PTK2: variants seen among roughly 807,000 people sequenced by gnomAD.
The protein encoded by PTK2 is protein tyrosine kinase 2.
PTK2 carries 45 observed loss-of-function variants against 150.1 expected under a neutral mutation model. That is an observed-to-expected ratio of 0.30 (90% CI 0.24 to 0.38). The LOEUF (loss-of-function observed/expected upper bound fraction) is 0.38. PTK2 is among the 10% of genes least tolerant of loss of function. The pLI, the probability that PTK2 is intolerant of heterozygous loss-of-function variation, is 1.00. For missense variants in PTK2, 919 were observed against 1,307.3 expected (o/e 0.70, Z 4.58); for synonymous variants, 432 against 449.2 (o/e 0.96, Z 0.48).
At chr8:140,692,778 G>A (rs1376773386) in intron 26 of PTK2, among the ~76,000 whole-genome samples, 1 of 152,122 alleles carries the variant, frequency 6.6e-6, no homozygotes, top group Non-Finnish European at 1.5e-5. Context: ...TCTGGAATCT[G>A]GTATGAGGGA....
chr8:140,889,619 T>A (rs1312104638), intron 3 of PTK2, among the ~76,000 whole-genome samples: 2 of 151,004 alleles, frequency 1.3e-5, no homozygotes, highest in African/African-American at 4.9e-5. Flanking sequence ...ATTAATTAAT[T>A]TACTTATTGT....
chr8:140,979,044 T>G (rs9657438), intron 1 of PTK2, among the ~76,000 whole-genome samples: 62,934 of 148,344 alleles, frequency 0.42, 15,094 homozygotes, highest in Non-Finnish European at 0.55. Flanking sequence ...CTCACTCATA[T>G]GTGGGAATTG....
chr8:140,753,189 G>A (rs2100063789), intron 16 of PTK2, among the ~76,000 whole-genome samples: 4 of 151,898 alleles, frequency 2.6e-5, no homozygotes, highest in Admixed American at 2.6e-4. Context: ...GACAGGTGAT[G>A]GTGGCTTGGA....
At chr8:140,975,605 G>T (rs2100188979) in intron 1 of PTK2, among the ~76,000 whole-genome samples, 1 of 152,128 alleles carries the variant, frequency 6.6e-6, no homozygotes, top group Non-Finnish European at 1.5e-5. Context: ...TTGAGGAGAG[G>T]GGGGAGGGGG....
At chr8:140,995,083 C>CAAAA (rs35987927) in intron 1 of PTK2, among the ~76,000 whole-genome samples, 1 of 122,316 alleles carries the variant, frequency 8.2e-6, no homozygotes, top group East Asian at 2.4e-4. Flanking sequence ...AACTCTGTCT[C>CAAAA]AAAAAAAAAA....
At chr8:140,819,776 C>G (rs1226144221) in intron 8 of PTK2, among the ~76,000 whole-genome samples, 1 of 152,170 alleles carries the variant, frequency 6.6e-6, no homozygotes, top group Non-Finnish European at 1.5e-5. Flanking sequence ...AGCAACGATG[C>G]TTTTGCTTTT....
chr8:140,962,672 C>T (rs1266972874), intron 1 of PTK2, among the ~76,000 whole-genome samples: 5 of 152,012 alleles, frequency 3.3e-5, no homozygotes, highest in African/African-American at 1.2e-4. Context: ...ATCCCAGCTA[C>T]TCGGGAGGCT....
intron 1 of PTK2, among the ~76,000 whole-genome samples, chr8:140,989,324 T>C (rs1245761530): frequency 1.5e-5 from 2 of 137,636 alleles, no homozygotes; most frequent in African/African-American, 5.5e-5. Flanking sequence ...AGCCCAAGAG[T>C]AGGAGGCTGC....
At chr8:140,813,233 C>T (rs915045553) in intron 10 of PTK2, among the ~76,000 whole-genome samples, 1 of 152,080 alleles carries the variant, frequency 6.6e-6, no homozygotes, top group African/African-American at 2.4e-5. Flanking sequence ...GAAATTTGCC[C>T]AAAACCACAC....
intron 1 of PTK2, among the ~76,000 whole-genome samples, chr8:140,992,462 T>G (rs1032619803): frequency 6.6e-6 from 1 of 152,062 alleles, no homozygotes; most frequent in Non-Finnish European, 1.5e-5. Flanking sequence ...AGAGCAAGAC[T>G]CCGTCTCAAA....
intron 2 of PTK2, among the ~76,000 whole-genome samples, chr8:140,908,277 T>C (rs7835240): frequency 0.17 from 25,889 of 152,092 alleles, 2,596 homozygotes; most frequent in East Asian, 0.46. Flanking sequence ...TGAGGTAAGG[T>C]AGCTACAGAA....
intron 2 of PTK2, among the ~76,000 whole-genome samples, chr8:140,914,885 T>C (rs1293594540): frequency 1.3e-5 from 2 of 151,668 alleles, no homozygotes; most frequent in Admixed American, 6.6e-5. Flanking sequence ...AACACAAAAT[T>C]AGCCGGGCAT....
intron 11 of PTK2, 120 bp downstream of exon 11, chr8:140,803,423 T>G: frequency 1.3e-6 from 1 of 766,018 alleles, no homozygotes; most frequent in Non-Finnish European, 2.3e-6. Context: ...TTTCTATATA[T>G]AAGAAAGTTG....
At chr8:140,872,908 C>T (rs960585128) in intron 4 of PTK2, among the ~76,000 whole-genome samples, 14 of 152,116 alleles carry the variant, frequency 9.2e-5, no homozygotes, top group Non-Finnish European at 1.0e-4. Flanking sequence ...TAGTATTTAG[C>T]GTACTCACAA....
At chr8:140,816,629 T>C (rs979564002) in intron 10 of PTK2, among the ~76,000 whole-genome samples, 3 of 152,166 alleles carry the variant, frequency 2.0e-5, no homozygotes, top group African/African-American at 7.2e-5. Context: ...GTTGGTAAAA[T>C]AGGCAAAGTA....
At chr8:140,917,503 C>A (rs2100165768) in intron 2 of PTK2, among the ~76,000 whole-genome samples, 1 of 152,034 alleles carries the variant, frequency 6.6e-6, no homozygotes, top group Non-Finnish European at 1.5e-5. Flanking sequence ...TACTTTTACT[C>A]TAAGAGAAAA....
intron 3 of PTK2, among the ~76,000 whole-genome samples, chr8:140,889,176 G>C (rs1187622451): frequency 1.3e-5 from 2 of 152,008 alleles, no homozygotes; most frequent in African/African-American, 4.8e-5. Context: ...TTAAAATTTA[G>C]AGGTAACAAA....
intron 4 of PTK2, among the ~76,000 whole-genome samples, chr8:140,873,117 G>A (rs1241883674): frequency 2.0e-5 from 3 of 152,210 alleles, no homozygotes; most frequent in African/African-American, 2.4e-5. Flanking sequence ...TAGAGTCTCT[G>A]AAAGAGAGAA....
chr8:140,905,437 T>C (rs573885653), intron 2 of PTK2, among the ~76,000 whole-genome samples: 4 of 152,194 alleles, frequency 2.6e-5, no homozygotes, highest in Middle Eastern at 3.4e-3. Context: ...AGAAGGGCAT[T>C]ATATAATGGT....
Sources: gnomAD v4.1 joint callset for allele counts (sites outside exome capture counted in the v4.1 genomes callset) on GRCh38, gnomAD v4.1.1 for gene constraint, MANE v1.5 for transcripts, NCBI Gene and HGNC (gene_info 2026-07-23, HGNC 2026-07-21) for gene names.